The following LRRTM4 variants were observed in gnomAD, a reference collection of about 807,000 sequenced individuals.
LRRTM4 encodes leucine rich repeat transmembrane neuronal 4, also known as leucine-rich repeat transmembrane neuronal protein 4.
LRRTM4 carries 25 observed loss-of-function variants against 47.6 expected under a neutral mutation model. The observed-to-expected ratio is 0.53, with a 90% CI of 0.38 to 0.73. The LOEUF (loss-of-function observed/expected upper bound fraction) is 0.73. LRRTM4 is among the 30% of genes least tolerant of loss of function. The probability of loss-of-function intolerance (pLI) is 0.00; values close to 1 mark genes in which losing one functional copy is unlikely to be tolerated. For missense variants in LRRTM4, 638 were observed against 713.4 expected (o/e 0.89, Z 1.20); for synonymous variants, 311 against 269.5 (o/e 1.15, Z -1.51).
intron 3 of LRRTM4, among the ~76,000 whole-genome samples, chr2:77,144,606 C>T (rs1451207615): frequency 1.3e-5 from 2 of 152,146 alleles, no homozygotes; most frequent in Non-Finnish European, 2.9e-5. Context: ...GGCTAAAGGA[C>T]CTCTGCACTA....
At chr2:76,874,795 G>C (rs969579434) in intron 3 of LRRTM4, among the ~76,000 whole-genome samples, 1 of 151,746 alleles carries the variant, frequency 6.6e-6, no homozygotes, top group African/African-American at 2.4e-5. Context: ...TTTTTGGAGA[G>C]ATCAGTGATC....
rs188950285 is a variant in LRRTM4 at position 76,951,544 on chromosome 2, A to G, written c.1552-202628T>C. 1.8e-3 allele frequency among the ~76,000 whole-genome samples: 275 copies of G among 152,126 alleles called. 1 individual carries two copies. The highest frequency in any genetic ancestry group is 3.4e-3 in the Non-Finnish European group (229 of 67,954). The stretch of plus-strand genomic sequence containing the variant: ...TTACCTAGCCTTTATTGTCACAGTA[A>G]GAGAGGTGAACCTTAAAAATTTCAA... On this transcript the variant is annotated intron_variant, in intron 3 of 3. Coordinates refer to ENST00000409884, the MANE Select transcript of LRRTM4 (RefSeq NM_001134745.3).
intron 3 of LRRTM4, among the ~76,000 whole-genome samples, chr2:77,514,912 G>A (rs1679151371): frequency 6.6e-6 from 1 of 151,674 alleles, no homozygotes; most frequent in African/African-American, 2.4e-5. Context: ...TTATATCCCT[G>A]GTCATATTTT....
At chr2:76,775,874 A>G (rs1180459136) in intron 3 of LRRTM4, among the ~76,000 whole-genome samples, 1 of 152,082 alleles carries the variant, frequency 6.6e-6, no homozygotes, top group African/African-American at 2.4e-5. Flanking sequence ...GTCATCTAGC[A>G]TTAGGTATGT....
chr2:77,417,928 A>G (rs1183919276), intron 3 of LRRTM4, among the ~76,000 whole-genome samples: 1 of 152,158 alleles, frequency 6.6e-6, no homozygotes, highest in East Asian at 1.9e-4. Flanking sequence ...AGAAAAATAT[A>G]CCACTCTATC....
intron 3 of LRRTM4, among the ~76,000 whole-genome samples, chr2:76,807,438 G>A (rs7560552): frequency 0.34 from 22,204 of 64,532 alleles, 2,599 homozygotes; most frequent in East Asian, 0.54. Flanking sequence ...ATATATATAC[G>A]TATATACATA....
chr2:77,365,057 T>C (rs532006902), intron 3 of LRRTM4, among the ~76,000 whole-genome samples: 1 of 152,104 alleles, frequency 6.6e-6, no homozygotes, highest in South Asian at 2.1e-4. Flanking sequence ...GGGTAGAAGT[T>C]GAACACTAAT....
chr2:77,225,506 C>T (rs1164337588), intron 3 of LRRTM4, among the ~76,000 whole-genome samples: 2 of 150,892 alleles, frequency 1.3e-5, no homozygotes, highest in Non-Finnish European at 2.9e-5. Context: ...AACTCATTTT[C>T]CATTTTTCTG....
At chr2:77,049,956 A>G (rs1679373912) in intron 3 of LRRTM4, among the ~76,000 whole-genome samples, 2 of 152,140 alleles carry the variant, frequency 1.3e-5, no homozygotes, top group South Asian at 4.1e-4. Flanking sequence ...AAAGCAGTGA[A>G]ATGACCAAAG....
intron 3 of LRRTM4, among the ~76,000 whole-genome samples, chr2:76,920,526 C>T (rs1046240279): frequency 1.3e-5 from 2 of 152,132 alleles, no homozygotes; most frequent in African/African-American, 4.8e-5. Flanking sequence ...GAGAAGACTT[C>T]ATTTTCATAC....
intron 3 of LRRTM4, among the ~76,000 whole-genome samples, chr2:77,050,058 T>G (rs1362726361): frequency 6.6e-6 from 1 of 152,068 alleles, no homozygotes; most frequent in Non-Finnish European, 1.5e-5. Context: ...ACACTTGTCC[T>G]TTGGAGCAGA....
chr2:76,758,897 C>G (rs947429105), intron 3 of LRRTM4, among the ~76,000 whole-genome samples: 2 of 152,136 alleles, frequency 1.3e-5, no homozygotes, highest in Non-Finnish European at 2.9e-5. Flanking sequence ...AACAACCACT[C>G]AAGTCTGCCT....
chr2:76,974,690 T>A (rs1054605267), intron 3 of LRRTM4, among the ~76,000 whole-genome samples: 1 of 151,672 alleles, frequency 6.6e-6, no homozygotes, highest in Non-Finnish European at 1.5e-5. Context: ...GGGAGAAAAA[T>A]TGTGAAATTT....
chr2:77,266,532 G>T (rs1676054797), intron 3 of LRRTM4, among the ~76,000 whole-genome samples: 1 of 152,066 alleles, frequency 6.6e-6, no homozygotes. Context: ...GGGGAAAAAA[G>T]AAGATAAAAA....
At chr2:76,943,066 A>G (rs1438718472) in intron 3 of LRRTM4, among the ~76,000 whole-genome samples, 1 of 152,182 alleles carries the variant, frequency 6.6e-6, no homozygotes, top group African/African-American at 2.4e-5. Flanking sequence ...ATAAAATAGT[A>G]ATCTGTACAT....
intron 3 of LRRTM4, among the ~76,000 whole-genome samples, chr2:77,315,571 A>C (rs912696941): frequency 2.0e-5 from 3 of 152,160 alleles, no homozygotes; most frequent in African/African-American, 7.2e-5. Context: ...TGAATAACAA[A>C]ATTTCTTATG....
intron 3 of LRRTM4, among the ~76,000 whole-genome samples, chr2:76,957,728 C>T (rs1675720343): frequency 6.6e-6 from 1 of 151,540 alleles, no homozygotes; most frequent in African/African-American, 2.4e-5. Flanking sequence ...ATTTGATGCA[C>T]TTTCTATTAA....
At chr2:77,179,929 A>G (rs1229301592) in intron 3 of LRRTM4, among the ~76,000 whole-genome samples, 1 of 152,200 alleles carries the variant, frequency 6.6e-6, no homozygotes, top group Non-Finnish European at 1.5e-5. Context: ...AGTGTATTGT[A>G]TAAAGTTATA....
chr2:76,968,803 T>C (rs1676124333), intron 3 of LRRTM4, among the ~76,000 whole-genome samples: 2 of 151,862 alleles, frequency 1.3e-5, no homozygotes, highest in Non-Finnish European at 2.9e-5. Flanking sequence ...AGACTTCTCG[T>C]GTTCAGCAAA....
Sources: gnomAD v4.1 joint callset for allele counts (sites outside exome capture counted in the v4.1 genomes callset) on GRCh38, gnomAD v4.1.1 for gene constraint, MANE v1.5 for transcripts, NCBI Gene and HGNC (gene_info 2026-07-23, HGNC 2026-07-21) for gene names.